Variants in CPAP observed in about 807,000 individuals in gnomAD.
CPAP encodes the protein centrosome assembly and centriole elongation protein.
At chr13:24,927,137 C>G in the CPAP span, among the ~76,000 whole-genome samples, 1 of 152,166 alleles carries the variant, frequency 6.6e-6, no homozygotes, top group East Asian at 1.9e-4. Context: ...AGAAAAGCAA[C>G]TATACAACCT....
chr13:24,890,926 G>A, the CPAP span, among the ~76,000 whole-genome samples: 2 of 151,944 alleles, frequency 1.3e-5, no homozygotes, highest in East Asian at 3.9e-4. Context: ...TCTCCACTGA[G>A]TCAGTCCAAC....
chr13:24,894,358 T>C, the CPAP span, among the ~76,000 whole-genome samples: 1 of 152,056 alleles, frequency 6.6e-6, no homozygotes, highest in Non-Finnish European at 1.5e-5. Context: ...CAGCAAGGAA[T>C]GGAAGAGCAA....
At chr13:24,908,849 A>C in the CPAP span, among the ~76,000 whole-genome samples, 1 of 152,346 alleles carries the variant, frequency 6.6e-6, no homozygotes, top group Admixed American at 6.5e-5. Flanking sequence ...TAATTTCTTT[A>C]GATACAATAA....
At chr13:24,883,477 G>A in the CPAP span, 1 of 819,500 alleles carries the variant, frequency 1.2e-6, no homozygotes, top group East Asian at 2.7e-5. Context: ...TACTTCTGGA[G>A]ACATCCCTTG....
the CPAP span, among the ~76,000 whole-genome samples, chr13:24,928,452 C>T: frequency 7.2e-5 from 11 of 152,266 alleles, no homozygotes; most frequent in South Asian, 4.1e-4. Context: ...ATTTTTGAGA[C>T]GGAGTTTCAC....
chr13:24,912,551 T>A, the CPAP span: 1 of 1,563,986 alleles, frequency 6.4e-7, no homozygotes, highest in South Asian at 1.1e-5. Flanking sequence ...TGCAATGACA[T>A]AAATTCACAG....
the CPAP span, among the ~76,000 whole-genome samples, chr13:24,923,348 GAAAAAGGGCAGTCCGCTACACC>G: frequency 6.6e-6 from 1 of 151,822 alleles, no homozygotes; most frequent in African/African-American, 2.4e-5. Context: ...TAGTAAAGGA[GAAAAAGGGCAGTCCGCTACACC>G]ATTTCGTAAG....
the CPAP span, chr13:24,925,880 T>G: frequency 1.3e-5 from 2 of 152,714 alleles, no homozygotes; most frequent in Non-Finnish European, 1.5e-5. Context: ...ATCATCCACA[T>G]GCGTGACCCG....
the CPAP span, among the ~76,000 whole-genome samples, chr13:24,924,231 A>G: frequency 6.6e-6 from 1 of 152,114 alleles, no homozygotes; most frequent in African/African-American, 2.4e-5. Context: ...GACCCAAACA[A>G]TCTTCCTTTT....
At chr13:24,890,359 C>T in the CPAP span, among the ~76,000 whole-genome samples, 6 of 152,238 alleles carry the variant, frequency 3.9e-5, 1 homozygote, top group South Asian at 4.1e-4. Context: ...TTTCTCATTA[C>T]GCTCCTGTCT....
At chr13:24,922,281 G>A in the CPAP span, among the ~76,000 whole-genome samples, 5 of 152,310 alleles carry the variant, frequency 3.3e-5, no homozygotes, top group Non-Finnish European at 2.9e-5. Flanking sequence ...CTCTTAGACC[G>A]TGAGAAGTAA....
chr13:24,909,433 C>T, the CPAP span, among the ~76,000 whole-genome samples: 2 of 151,584 alleles, frequency 1.3e-5, no homozygotes, highest in African/African-American at 4.8e-5. Context: ...GAGGCTGAGA[C>T]ACAAGAATCA....
the CPAP span, among the ~76,000 whole-genome samples, chr13:24,931,306 CTTTT>C: frequency 1.7e-4 from 12 of 72,656 alleles, 2 homozygotes; most frequent in South Asian, 9.4e-4. Flanking sequence ...TTTCATGTTT[CTTTT>C]TTTTTTTTTT....
the CPAP span, among the ~76,000 whole-genome samples, chr13:24,888,986 C>G: frequency 1.1e-4 from 17 of 151,986 alleles, no homozygotes; most frequent in South Asian, 1.9e-3. Context: ...GGTTGAGCAT[C>G]CTTAATCCAC....
chr13:24,918,118 T>C, the CPAP span, among the ~76,000 whole-genome samples: 2 of 152,170 alleles, frequency 1.3e-5, no homozygotes, highest in African/African-American at 4.8e-5. Context: ...AAAAGATGTA[T>C]GAACAATTTT....
chr13:24,906,818 G>C, the CPAP span: 7 of 1,614,204 alleles, frequency 4.3e-6, no homozygotes, highest in South Asian at 2.2e-5. Context: ...CTGGTCCTCG[G>C]AAGTGCTCTG....
At chr13:24,895,087 G>A in the CPAP span, among the ~76,000 whole-genome samples, 24 of 152,250 alleles carry the variant, frequency 1.6e-4, no homozygotes, top group Non-Finnish European at 3.1e-4. Flanking sequence ...AGGTCCCGGT[G>A]AGCACGGCTG....
chr13:24,926,476 G>A, the CPAP span, among the ~76,000 whole-genome samples: 1 of 152,046 alleles, frequency 6.6e-6, no homozygotes, highest in Non-Finnish European at 1.5e-5. Context: ...CAAGGGAAAC[G>A]GGTCCCAGTA....
At chr13:24,885,779 CA>C in the CPAP span, 1 of 795,796 alleles carries the variant, frequency 1.3e-6, no homozygotes, top group Non-Finnish European at 2.2e-6. Context: ...GTCCTTTATC[CA>C]TTAGTTAAGG....
Sources: gnomAD v4.1 joint callset for allele counts (sites outside exome capture counted in the v4.1 genomes callset) on GRCh38, gnomAD v4.1.1 for gene constraint, MANE v1.5 for transcripts, NCBI Gene and HGNC (gene_info 2026-07-23, HGNC 2026-07-21) for gene names.